Variants in RRM2 observed in about 807,000 individuals in gnomAD.
The protein encoded by RRM2 is ribonucleotide reductase regulatory subunit M2, also known as ribonucleoside-diphosphate reductase subunit M2.
A neutral mutation model predicts 45.9 loss-of-function variants in RRM2; 6 were observed. The observed-to-expected ratio is 0.13, with a 90% confidence interval of 0.07 to 0.26. The LOEUF (loss-of-function observed/expected upper bound fraction) is 0.26, where lower values mean the gene tolerates loss of function less well. Ranked by LOEUF, RRM2 falls within the 10% of genes least tolerant of loss-of-function variation. The pLI, the probability that RRM2 is intolerant of heterozygous loss-of-function variation, is 1.00. For missense variants in RRM2, 343 were observed against 489.5 expected, an observed-to-expected ratio of 0.70 and a Z score of 2.82; for synonymous variants, 177 against 173.0, an observed-to-expected ratio of 1.02 and a Z score of -0.18.
At chr2:10,182,944 G>A (rs13390304) in intron 3 of RRM2, among the ~76,000 whole-genome samples, 36,241 of 152,080 alleles carry the variant, frequency 0.24, 4,788 homozygotes, top group East Asian at 0.51. Context: ...TTGAGAGGCC[G>A]AGGTGGGAGG....
At chr2:10,181,664 T>C (rs577396196) in intron 3 of RRM2, among the ~76,000 whole-genome samples, 3 of 152,184 alleles carry the variant, frequency 2.0e-5, no homozygotes, top group African/African-American at 7.2e-5. Context: ...GAGTTTATTA[T>C]TCCATTGAAA....
intron 3 of RRM2, among the ~76,000 whole-genome samples, chr2:10,146,299 A>T (rs1171122552): frequency 6.6e-6 from 1 of 152,176 alleles, no homozygotes; most frequent in Admixed American, 6.5e-5. Flanking sequence ...TCCCCAGTGC[A>T]CCTTGCTTTT....
chr2:10,204,048 G>C lies in RRM2; in HGVS notation n.483-6263G>C, dbSNP rs113967793. On this transcript the variant is annotated intron_variant and non_coding_transcript_variant, in intron 3 of 3. Coordinates refer to the RRM2 transcript ENST00000381786. This position sits in a 1 kb window ranked among gnomAD's most constrained non-coding sequence, Gnocchi z 4.0. ...CATTCAGCAGTCCTTGTGATTTTCT[G>C]AGCATACTTTAGCCTTCTAGCACAC... is the stretch of plus-strand genomic sequence containing the variant. Among the ~76,000 whole-genome samples, 2,620 of 152,078 alleles carry C rather than the reference G, an allele frequency of 0.017. 81 individuals are homozygous for C. The highest frequency in any genetic ancestry group is 0.06 in the African/African-American group (2,480 of 41,458).
chr2:10,130,489 A>G lies in RRM2; in HGVS notation c.*1103A>G, dbSNP rs1294335161. The G allele has an allele frequency of 6.6e-6, 1 of 152,172 alleles. No homozygotes were observed. The highest frequency in any genetic ancestry group is 1.5e-5 in the Non-Finnish European group (1 of 68,030). 9.4% of individuals were successfully genotyped at this position (152,172 alleles called of 1,614,324 possible). ...CTATGTTCTTCTAGATTTTACCTGT[A>G]GTTCATACTTCAGTCACCCAGTGTC... On this transcript the variant is annotated 3_prime_UTR_variant, in exon 10 of 10. Coordinates refer to ENST00000304567, the MANE Select transcript of RRM2 (RefSeq NM_001034.4).
chr2:10,125,576 C>T (rs916556322), intron 5 of RRM2, among the ~76,000 whole-genome samples: 2 of 152,206 alleles, frequency 1.3e-5, no homozygotes, highest in Non-Finnish European at 2.9e-5. Context: ...CGCCTGTAGT[C>T]CCAGCTGCTT....
At chr2:10,136,121 C>G (rs558286338), downstream of RRM2, among the ~76,000 whole-genome samples, 6 of 152,306 alleles carry the variant, frequency 3.9e-5, no homozygotes, top group African/African-American at 1.2e-4. Flanking sequence ...CCGGGCAGCA[C>G]CACCAAAGTG....
downstream of RRM2, among the ~76,000 whole-genome samples, chr2:10,132,823 G>C (rs1662925423): frequency 6.6e-6 from 1 of 152,234 alleles, no homozygotes; most frequent in African/African-American, 2.4e-5. Flanking sequence ...CCAACTACTA[G>C]GACAGCCTCC....
At position 10,122,906 on chromosome 2, in the gene RRM2, G is replaced by T. The variant is rs1662693215; in HGVS notation, c.99+9G>T. 2 of 1,569,832 alleles carry T rather than the reference G, an allele frequency of 1.3e-6. No individual in the cohort carries two copies. The highest frequency in any genetic ancestry group is 8.6e-7 in the Non-Finnish European group (1 of 1,160,338). The stretch of plus-strand genomic sequence containing the variant: ...TCGACAAGGAGAACACGGTGAGCCC[G>T]CGGGGAGGGCGCTGCGGGCAGGGGA... On this transcript the variant is annotated intron_variant, in intron 1 of 9. Coordinates refer to ENST00000304567, the MANE Select transcript of RRM2 (RefSeq NM_001034.4).
At chr2:10,165,722 G>A (rs553343956) in intron 3 of RRM2, among the ~76,000 whole-genome samples, 3 of 152,340 alleles carry the variant, frequency 2.0e-5, no homozygotes, top group African/African-American at 7.2e-5. Context: ...AAGGCAAAGA[G>A]ATCAGAGACT....
chr2:10,204,986 C>T lies in RRM2; in HGVS notation n.483-5325C>T, dbSNP rs908707102. Among the ~76,000 whole-genome samples, 1 of 152,250 alleles carries T rather than the reference C, an allele frequency of 6.6e-6. No individual in the cohort carries two copies. Among genetic ancestry groups the T allele is most frequent in the Admixed American group, 6.5e-5 (1 of 15,286 alleles). On this transcript the variant is annotated intron_variant and non_coding_transcript_variant, in intron 3 of 3. Coordinates refer to the RRM2 transcript ENST00000381786. This position sits in a 1 kb window ranked among gnomAD's most constrained non-coding sequence, Gnocchi z 4.0. ...GAGCACGGCTCTAACACAGCCGAGG[C>T]ATAGTGTGAGCAAAGTCAGACGCAG...
intron 3 of RRM2, among the ~76,000 whole-genome samples, chr2:10,152,892 T>G (rs1165764848): frequency 6.6e-6 from 1 of 152,152 alleles, no homozygotes; most frequent in East Asian, 1.9e-4. Flanking sequence ...GTATGGAGGT[T>G]TCTAAATAAA....
In RRM2 at chr2:10,200,516, CA is replaced by C. The variant is rs1187913553; in HGVS notation, n.483-9794del. ...CCGCGCACACAAAATATGAGGCCCA[CA>C]GGGACTGCGCGCACAAATTATGAGT... On this transcript the variant is annotated intron_variant and non_coding_transcript_variant, in intron 3 of 3. Transcript: ENST00000381786. Among the ~76,000 whole-genome samples, 69 of 14,730 alleles carry C rather than the reference CA, an allele frequency of 4.7e-3. 14 individuals are homozygous for C. Among genetic ancestry groups the C allele is most frequent in the African/African-American group, 0.016 (59 of 3,750 alleles). 9.7% of individuals were successfully genotyped at this position (14,730 alleles called of 152,430 possible).
In RRM2 at chr2:10,127,271, G is replaced by A; in HGVS notation, c.798+51G>A. The A allele has an allele frequency of 6.3e-7, 1 of 1,584,868 alleles. No homozygotes were observed. Among genetic ancestry groups the A allele is most frequent in the African/African-American group, 1.3e-5 (1 of 74,554 alleles). ...GACCTAAACCCCAAACACAACTCGG[G>A]CATGCTCTTGTGTTCACTGACGGGG... On this transcript the variant is annotated intron_variant, in intron 7 of 9. Coordinates refer to ENST00000304567, the MANE Select transcript of RRM2 (RefSeq NM_001034.4). The surrounding 1 kb of genome is among the most constrained non-coding windows in gnomAD (Gnocchi z 4.1).
Position 10,129,265 on chromosome 2 carries a change from T to C in RRM2, c.1049T>C (p.Met350Thr), listed in dbSNP as rs2125308193. The C allele has an allele frequency of 6.2e-7, 1 of 1,613,978 alleles. No individual in the cohort carries two copies. The highest frequency in any genetic ancestry group is 2.2e-5 in the East Asian group (1 of 44,898). Residue 350 changes from methionine (M) to threonine (T), a missense_variant, in exon 10 of 10, where the codon ATG becomes ACG. By Grantham distance (81) the Met-to-Thr change is moderately conservative. This residue lies in a region of RRM2 where 212 missense variants were observed against 368.1 expected (regional missense o/e 0.58). Coordinates refer to ENST00000304567, the MANE Select transcript of RRM2 (RefSeq NM_001034.4). This position sits in a 1 kb window ranked among gnomAD's most constrained non-coding sequence, Gnocchi z 4.8. ...VFRVENPFDF[M>T]ENISLEGKTN... ...AGAGTAGAGAACCCATTTGACTTTA[T>C]GGAGAATATTTCACTGGAAGGAAAG... is the stretch of plus-strand genomic sequence containing the variant.
intron 3 of RRM2, among the ~76,000 whole-genome samples, chr2:10,152,628 G>A (rs11676022): frequency 1.3e-5 from 2 of 151,688 alleles, no homozygotes; most frequent in Admixed American, 6.6e-5. Flanking sequence ...GATTACAGGC[G>A]CCCGCAAGCA....
At chr2:10,197,611 G>A (rs1163199489) in intron 3 of RRM2, among the ~76,000 whole-genome samples, 3 of 152,118 alleles carry the variant, frequency 2.0e-5, no homozygotes, top group Admixed American at 6.5e-5. Context: ...GGAGTAGGGG[G>A]GCTGGGCGGT....
At chr2:10,160,977 C>T (rs1006088458) in intron 3 of RRM2, among the ~76,000 whole-genome samples, 2 of 152,216 alleles carry the variant, frequency 1.3e-5, no homozygotes, top group African/African-American at 2.4e-5. Context: ...CTGGTCGCTC[C>T]GTCCTTCCGA....
rs1310075958 is a variant in RRM2 at position 10,177,205 on chromosome 2, C to A, written n.483-33106C>A. Among the ~76,000 whole-genome samples the A allele has an allele frequency of 3.3e-5, 5 of 151,994 alleles. No homozygotes were observed. In the South Asian group the frequency reaches 1.0e-3, roughly 32 times the overall value. On this transcript the variant is annotated intron_variant and non_coding_transcript_variant, in intron 3 of 3. Coordinates refer to the RRM2 transcript ENST00000381786. The stretch of plus-strand genomic sequence containing the variant: ...AGGTTGCGGTGAACCAAGATCGCAC[C>A]ATTGCACTCCAGCCTGGGCGACAGA...
chr2:10,141,733 A>G, intron 1 of RRM2: 1 of 1,404,384 alleles, frequency 7.1e-7, no homozygotes, highest in Non-Finnish European at 9.7e-7. Context: ...AGGGTGGGGT[A>G]CTGTTCCAAG....
Sources: gnomAD v4.1 joint callset for allele counts (sites outside exome capture counted in the v4.1 genomes callset) on GRCh38, gnomAD v4.1.1 for gene constraint, gnomAD v4.1.1 regional missense constraint, Gnocchi (gnomAD v3.1) non-coding constraint, MANE v1.5 for transcripts, NCBI Gene and HGNC (gene_info 2026-07-23, HGNC 2026-07-21) for gene names.